L3MBTL4: variants seen among roughly 807,000 people sequenced by gnomAD.
L3MBTL4 encodes the protein L3MBTL histone methyl-lysine binding protein 4.
Under a neutral mutation model 84.5 loss-of-function variants are expected in L3MBTL4, and 70 were observed. The observed-to-expected ratio is 0.83, with a 90% CI of 0.68 to 1.01. The LOEUF is 1.01. Among genes scored for constraint, L3MBTL4 ranks in the 50% least tolerant of loss-of-function variants. L3MBTL4 has a pLI of 0.00. For synonymous variants in L3MBTL4, 274 were observed against 259.8 expected (o/e 1.05, Z -0.52); for missense variants, 715 against 754.8 (o/e 0.95, Z 0.62).
At chr18:5,991,916 A>G (rs1032694354) in intron 16 of L3MBTL4, among the ~76,000 whole-genome samples, 4 of 150,864 alleles carry the variant, frequency 2.7e-5, no homozygotes, top group Admixed American at 6.6e-5. Flanking sequence ...TCTTCCCCCA[A>G]CTCTCACCGA....
intron 12 of L3MBTL4, among the ~76,000 whole-genome samples, chr18:6,199,517 T>C (rs567225023): frequency 6.6e-6 from 1 of 152,136 alleles, no homozygotes; most frequent in Admixed American, 6.5e-5. Flanking sequence ...GATTACTGTA[T>C]AGAGACCACC....
At chr18:6,244,891 T>G (rs2047595058) in intron 5 of L3MBTL4, among the ~76,000 whole-genome samples, 1 of 152,218 alleles carries the variant, frequency 6.6e-6, no homozygotes, top group Admixed American at 6.5e-5. Flanking sequence ...ACCCCAGGGT[T>G]ATATATGATT....
chr18:6,205,694 GAAGGA>G (rs2045846281), intron 12 of L3MBTL4, among the ~76,000 whole-genome samples: 1 of 152,190 alleles, frequency 6.6e-6, no homozygotes, highest in Non-Finnish European at 1.5e-5. Context: ...GATTTTGGAA[GAAGGA>G]ATGGGGGAGA....
At chr18:6,269,586 A>G (rs545602538) in intron 4 of L3MBTL4, among the ~76,000 whole-genome samples, 1 of 152,394 alleles carries the variant, frequency 6.6e-6, no homozygotes, top group African/African-American at 2.4e-5. Context: ...TATTCTAACA[A>G]TGCAAAAGGA....
intron 16 of L3MBTL4, among the ~76,000 whole-genome samples, chr18:6,077,069 G>A (rs1257352937): frequency 6.6e-6 from 1 of 152,120 alleles, no homozygotes; most frequent in Non-Finnish European, 1.5e-5. Flanking sequence ...AACACTCATT[G>A]AGCAAAGGAA....
intron 5 of L3MBTL4, among the ~76,000 whole-genome samples, chr18:6,247,509 C>T (rs909101874): frequency 8.7e-6 from 1 of 115,004 alleles, no homozygotes; most frequent in African/African-American, 4.0e-5. Flanking sequence ...GATGGAGTCT[C>T]GCTGTGTCAC....
intron 12 of L3MBTL4, among the ~76,000 whole-genome samples, chr18:6,211,941 G>T (rs541642767): frequency 1.3e-5 from 2 of 152,294 alleles, no homozygotes; most frequent in South Asian, 4.1e-4. Flanking sequence ...GAACCACTGT[G>T]CCCGGCCTAC....
chr18:6,404,225 G>A (rs2055628398), intron 1 of L3MBTL4, among the ~76,000 whole-genome samples: 1 of 152,100 alleles, frequency 6.6e-6, no homozygotes, highest in South Asian at 2.1e-4. Flanking sequence ...AAAACCACCT[G>A]TTCCCCCGAA....
At chr18:6,376,287 C>T (rs2144271685) in intron 1 of L3MBTL4, among the ~76,000 whole-genome samples, 1 of 152,336 alleles carries the variant, frequency 6.6e-6, no homozygotes, top group East Asian at 1.9e-4. Context: ...AACATCACCT[C>T]CTCCTGTCAG....
chr18:6,395,968 T>C (rs1373101349), intron 1 of L3MBTL4: 4 of 152,166 alleles, frequency 2.6e-5, no homozygotes, highest in African/African-American at 4.8e-5. Context: ...TTAATCTGTG[T>C]TTTCTTCCAT....
At chr18:6,015,411 A>C (rs1465838702) in intron 16 of L3MBTL4, among the ~76,000 whole-genome samples, 2 of 152,122 alleles carry the variant, frequency 1.3e-5, no homozygotes, top group Non-Finnish European at 2.9e-5. Flanking sequence ...ACCCAGAGAT[A>C]AGACCTAAAC....
rs187450868 is a variant in L3MBTL4 at position 6,100,039 on chromosome 18, A to C, written c.1200-6511T>G. Among the ~76,000 whole-genome samples the C allele has an allele frequency of 5.2e-3, 785 of 152,288 alleles. 4 individuals are homozygous for C. Among genetic ancestry groups the C allele is most frequent in the Middle Eastern group, 0.017 (5 of 294 alleles). On this transcript the variant is annotated intron_variant, in intron 14 of 18. Coordinates refer to ENST00000317931, the MANE Select transcript of L3MBTL4 (RefSeq NM_001330559.2). The stretch of plus-strand genomic sequence containing the variant: ...CTAAATTAAGCATTGTAATCCGTTT[A>C]GTATAGTGGTGAAAAGTGTGGAGTT...
chr18:6,121,184 C>A (rs1019701767), intron 14 of L3MBTL4, among the ~76,000 whole-genome samples: 3 of 152,194 alleles, frequency 2.0e-5, no homozygotes, highest in African/African-American at 4.8e-5. Context: ...TAGTAAGCAG[C>A]ATGTTCATTT....
chr18:6,164,014 C>T (rs767632340), intron 13 of L3MBTL4, among the ~76,000 whole-genome samples: 28 of 152,336 alleles, frequency 1.8e-4, no homozygotes, highest in East Asian at 9.7e-4. Flanking sequence ...GCTTAACAAA[C>T]GGCACACCAG....
chr18:6,379,147 T>G (rs1187692356), intron 1 of L3MBTL4, among the ~76,000 whole-genome samples: 2 of 152,190 alleles, frequency 1.3e-5, no homozygotes, highest in African/African-American at 4.8e-5. Flanking sequence ...GGAATGCTTG[T>G]GATTTTTGCA....
At chr18:6,380,684 G>A (rs1165726551) in intron 1 of L3MBTL4, among the ~76,000 whole-genome samples, 1 of 152,182 alleles carries the variant, frequency 6.6e-6, no homozygotes, top group Non-Finnish European at 1.5e-5. Context: ...CTGAGAGACA[G>A]TTTATTATGC....
chr18:5,981,370 G>C (rs574471347), intron 16 of L3MBTL4, among the ~76,000 whole-genome samples: 1 of 152,218 alleles, frequency 6.6e-6, no homozygotes, highest in South Asian at 2.1e-4. Flanking sequence ...AGTATTCTTG[G>C]TATTCCATAG....
chr18:6,050,755 T>C (rs1055983927), intron 16 of L3MBTL4, among the ~76,000 whole-genome samples: 3 of 152,152 alleles, frequency 2.0e-5, no homozygotes, highest in African/African-American at 7.2e-5. Context: ...TGAAATGAGT[T>C]CTGGAGAGAG....
Position 6,077,920 on chromosome 18 carries a change from T to C in L3MBTL4, c.1444+2961A>G, listed in dbSNP as rs111507340. ...GGCGTGCACCTGTAGTTCCAGCTAC[T>C]CGGGAGGCTGAGGCAGAAGAATTGC... On this transcript the variant is annotated intron_variant, in intron 16 of 18. Coordinates refer to ENST00000317931, the MANE Select transcript of L3MBTL4 (RefSeq NM_001330559.2). 3.6e-4 allele frequency among the ~76,000 whole-genome samples: 54 copies of C among 152,002 alleles called. 2 individuals are homozygous for C. Among genetic ancestry groups the C allele is most frequent in the African/African-American group, 1.3e-3 (54 of 41,428 alleles).
Sources: allele counts gnomAD v4.1 joint callset (sites outside exome capture counted in the v4.1 genomes callset), GRCh38; gene constraint gnomAD v4.1.1; transcripts MANE v1.5; gene names NCBI Gene and HGNC (gene_info 2026-07-23, HGNC 2026-07-21).